NIPSNAP1: variants seen among roughly 807,000 people sequenced by gnomAD.
NIPSNAP1 encodes the protein nipsnap homolog 1, also known as protein NipSnap homolog 1.
Under a neutral mutation model 49.2 loss-of-function variants are expected in NIPSNAP1, and 25 were observed. That is an observed-to-expected ratio of 0.51 (90% CI 0.37 to 0.71). The LOEUF (loss-of-function observed/expected upper bound fraction) is 0.71. Among genes scored for constraint, NIPSNAP1 ranks in the 30% least tolerant of loss-of-function variants. The probability of loss-of-function intolerance (pLI) is 0.00; values close to 1 mark genes in which losing one functional copy is unlikely to be tolerated. For synonymous variants in NIPSNAP1, 143 were observed against 140.7 expected (o/e 1.02, Z -0.12); for missense variants, 294 against 361.0 (o/e 0.81, Z 1.50).
In NIPSNAP1 at chr22:29,569,212, A is replaced by G; in HGVS notation, c.348T>C (p.Tyr116=). 1 of 1,614,064 alleles carries G rather than the reference A, an allele frequency of 6.2e-7. No homozygotes were observed. The highest frequency in any genetic ancestry group is 8.5e-7 in the Non-Finnish European group (1 of 1,179,972). The part of the protein sequence containing the change: ...CSLVGNWNTW[Y]GEQDQAVHLW... ...CCTTACCTGCCTGGTCCTGCTCCCC[A>G]TACCACGTGTTCCAGTTGCCCACGA... Residue 116 remains tyrosine (Y), a synonymous_variant, in exon 4 of 10, where the codon TAT becomes TAC. Coordinates refer to ENST00000216121, the MANE Select transcript of NIPSNAP1 (RefSeq NM_003634.4).
chr22:29,565,164 A>C (rs1179301274), intron 4 of NIPSNAP1, among the ~76,000 whole-genome samples: 2 of 151,946 alleles, frequency 1.3e-5, no homozygotes, highest in Non-Finnish European at 2.9e-5. Context: ...TGATCATGCC[A>C]CTGCACTCCA....
intron 4 of NIPSNAP1, among the ~76,000 whole-genome samples, chr22:29,563,754 C>G (rs2064351826): frequency 6.6e-6 from 1 of 151,834 alleles, no homozygotes; most frequent in Non-Finnish European, 1.5e-5. Flanking sequence ...CAGGAGAACA[C>G]TATGTGAAGA....
rs1322922254 is a variant in NIPSNAP1, at chr22:29,558,945, C to CT, written c.714dup (p.Asp239ArgfsTer20). 6.2e-7 allele frequency: 1 copy of CT among 1,613,158 alleles called. No homozygotes were observed. The highest frequency in any genetic ancestry group is 8.5e-7 in the Non-Finnish European group (1 of 1,179,462). ...CGAGTCTCCTCCCGAGACTGCAGGT[C>CT]TTTATAGGCTGTGAGAAAGGCACAG... On this transcript the variant is annotated frameshift_variant, in exon 9 of 10. Coordinates refer to ENST00000216121, the MANE Select transcript of NIPSNAP1 (RefSeq NM_003634.4). LOFTEE classifies it high-confidence loss of function.
chr22:29,568,170 C>A (rs2064380401), intron 4 of NIPSNAP1, among the ~76,000 whole-genome samples: 2 of 109,532 alleles, frequency 1.8e-5, no homozygotes, highest in Non-Finnish European at 3.4e-5. Flanking sequence ...CAGAGCAAGA[C>A]CCTGTCTCAA....
Position 29,561,187 on chromosome 22 carries a change from C to T in NIPSNAP1, c.595G>A (p.Glu199Lys), listed in dbSNP as rs2064332868. 1 of 1,613,544 alleles carries T rather than the reference C, an allele frequency of 6.2e-7. No individual in the cohort carries two copies. Among genetic ancestry groups the T allele is most frequent in the Non-Finnish European group, 8.5e-7 (1 of 1,179,756 alleles). Residue 199 changes from glutamate to lysine, a missense_variant, in exon 7 of 10, where the codon GAG (glutamate) becomes AAG (lysine). By Grantham distance (56) the Glu-to-Lys change is moderately conservative. Transcript: ENST00000216121. ...TYKLKPGTMIEWGNNWARAIK... is the reference protein window; with the variant it reads ...TYKLKPGTMIKWGNNWARAIK... ...GCCACTTACCAGTTGTTCCCCCACT[C>T]GATCATGGTTCCTGGCTGAAAGAGA...
chr22:29,560,884 A>T, intron 7 of NIPSNAP1, 56 bp from the exon 8 acceptor site: 1 of 1,516,194 alleles, frequency 6.6e-7, no homozygotes, highest in South Asian at 1.1e-5. Flanking sequence ...GAGGGTACTG[A>T]GGCTGATTCC....
At position 29,580,036 on chromosome 22, in the gene NIPSNAP1, C is replaced by T. The variant is rs2064485608; in HGVS notation, c.98+949G>A. The stretch of plus-strand genomic sequence containing the variant: ...ACTTTGCAGCTTCATTCCTGGGCTG[C>T]AGGGCAGGAGGGATGGTTGCTTCCT... On this transcript the variant is annotated intron_variant, in intron 1 of 9. Transcript: ENST00000216121. 12 of 1,259,668 alleles carry T rather than the reference C, an allele frequency of 9.5e-6. No homozygotes were observed. The South Asian group carries it at 1.5e-4, about 16-fold the overall frequency. The allele number at this position is 1,259,668 out of a possible 1,614,324, so 78.0% of individuals were successfully genotyped here. A position where few individuals can be genotyped will look rare whatever the true frequency, so the allele number is the denominator to read the frequency against.
Position 29,570,395 on chromosome 22 carries a change from A to T in NIPSNAP1, c.226+10T>A. 6.2e-7 allele frequency: 1 copy of T among 1,614,004 alleles called. No homozygotes were observed. Among genetic ancestry groups the T allele is most frequent in the Non-Finnish European group, 8.5e-7 (1 of 1,180,026 alleles). Reference sequence around the variant, plus strand: ...AAGGGCAGAAATTGGTCAGCTCAGCAGCCACTCACACTGGATCTTATAGAG... The same window carrying T: ...AAGGGCAGAAATTGGTCAGCTCAGCTGCCACTCACACTGGATCTTATAGAG... On this transcript the variant is annotated intron_variant, in intron 2 of 9. Transcript: ENST00000216121.
At chr22:29,574,779 C>CA (rs56971788) in intron 1 of NIPSNAP1, among the ~76,000 whole-genome samples, 3,842 of 102,616 alleles carry the variant, frequency 0.037, 131 homozygotes, top group African/African-American at 0.095. Flanking sequence ...AACTCTGTCT[C>CA]AAAAAAAAAA....
chr22:29,559,098 G>C (rs753956047), intron 8 of NIPSNAP1, 145 bp from the exon 9 acceptor site: 5 of 706,640 alleles, frequency 7.1e-6, no homozygotes, highest in Non-Finnish European at 1.3e-5. Context: ...AGCAAACACT[G>C]TCTGCTTTAA....
rs934938169 is a variant in NIPSNAP1 at position 29,554,985 on chromosome 22, G to T, written c.*950C>A. ...CACCAGGTGGCCCTGCAGAATGAGG[G>T]TTGGGCTGATAGAATGTCAATTAGG... On this transcript the variant is annotated 3_prime_UTR_variant, in exon 10 of 10. Coordinates refer to ENST00000216121, the MANE Select transcript of NIPSNAP1 (RefSeq NM_003634.4). The T allele has an allele frequency of 5.2e-5, 8 of 152,624 alleles. No homozygotes were observed. The highest frequency in any genetic ancestry group is 1.9e-4 in the African/African-American group (8 of 41,466). The allele number at this position is 152,624 out of a possible 1,614,324, so 9.5% of individuals were successfully genotyped here.
chr22:29,558,114 T>G (rs1198463970), intron 9 of NIPSNAP1, among the ~76,000 whole-genome samples: 8 of 152,040 alleles, frequency 5.3e-5, no homozygotes, highest in African/African-American at 1.5e-4. Context: ...ACAAAAACCT[T>G]ATTCAAAAAC....
chr22:29,577,831 C>A (rs2064465748), intron 1 of NIPSNAP1, among the ~76,000 whole-genome samples: 1 of 150,178 alleles, frequency 6.7e-6, no homozygotes, highest in Non-Finnish European at 1.5e-5. Flanking sequence ...CTCCCCAGTT[C>A]AAGCGATTCT....
intron 1 of NIPSNAP1, 84 bp from the exon 2 acceptor site, chr22:29,570,616 A>G: frequency 6.5e-7 from 1 of 1,534,422 alleles, no homozygotes. Flanking sequence ...CTGCTCCCCT[A>G]GACCAGTGAC....
intron 9 of NIPSNAP1, among the ~76,000 whole-genome samples, 172 bp downstream of exon 9, chr22:29,558,698 G>A (rs1222173783): frequency 6.6e-6 from 1 of 152,024 alleles, no homozygotes; most frequent in Non-Finnish European, 1.5e-5. Flanking sequence ...ACTCACCTAG[G>A]CCTGCTGGTA....
At chr22:29,574,178 G>C (rs2064431461) in intron 1 of NIPSNAP1, among the ~76,000 whole-genome samples, 1 of 137,846 alleles carries the variant, frequency 7.3e-6, no homozygotes, top group Non-Finnish European at 1.5e-5. Context: ...AGAACTGCTT[G>C]AATCCAGGAG....
chr22:29,563,495 C>A (rs1360107361), intron 4 of NIPSNAP1, among the ~76,000 whole-genome samples: 1 of 151,902 alleles, frequency 6.6e-6, no homozygotes, highest in Non-Finnish European at 1.5e-5. Context: ...CCACTGCACT[C>A]CAGCCTGGGC....
intron 4 of NIPSNAP1, among the ~76,000 whole-genome samples, chr22:29,563,468 G>A (rs1345153573): frequency 6.6e-6 from 1 of 151,390 alleles, no homozygotes; most frequent in Non-Finnish European, 1.5e-5. Context: ...CAAAGGTTGT[G>A]GTGAGCTGAG....
chr22:29,580,652 G>C (rs539062665), intron 1 of NIPSNAP1, among the ~76,000 whole-genome samples: 11 of 152,226 alleles, frequency 7.2e-5, no homozygotes, highest in African/African-American at 2.6e-4. Flanking sequence ...GAAGCCCCCA[G>C]TGGGTGTTAA....
Sources: allele counts gnomAD v4.1 joint callset (sites outside exome capture counted in the v4.1 genomes callset), GRCh38; gene constraint gnomAD v4.1.1; transcripts MANE v1.5; gene names NCBI Gene and HGNC (gene_info 2026-07-23, HGNC 2026-07-21).